RAP1GAP2: variants seen among roughly 807,000 people sequenced by gnomAD.
RAP1GAP2 encodes rap1 GTPase-activating protein 2.
In RAP1GAP2, 27 loss-of-function variants were observed where a neutral mutation model predicts 95.0. That is an observed-to-expected ratio of 0.28 (90% CI 0.21 to 0.39). RAP1GAP2 has a LOEUF of 0.39. Among genes scored for constraint, RAP1GAP2 ranks in the 10% least tolerant of loss-of-function variants. The pLI, the probability that RAP1GAP2 is intolerant of heterozygous loss-of-function variation, is 1.00. For missense variants in RAP1GAP2, 771 were observed against 970.0 expected (o/e 0.79, Z 2.72); for synonymous variants, 373 against 380.9 (o/e 0.98, Z 0.24).
intron 17 of RAP1GAP2, among the ~76,000 whole-genome samples, chr17:3,015,716 C>T (rs2046741354): frequency 6.6e-6 from 1 of 152,076 alleles, no homozygotes; most frequent in Non-Finnish European, 1.5e-5. Context: ...ACTCGGGAGG[C>T]TGAGGCAGGA....
intron 17 of RAP1GAP2, among the ~76,000 whole-genome samples, chr17:3,010,761 T>C (rs2046505810): frequency 1.3e-5 from 2 of 152,094 alleles, no homozygotes; most frequent in Admixed American, 1.3e-4. Context: ...GGAATTCTTT[T>C]CAATACTAAA....
chr17:2,990,583 G>A lies in RAP1GAP2; in HGVS notation c.814-714G>A, dbSNP rs1567864098. On this transcript the variant is annotated intron_variant, in intron 11 of 24. Coordinates refer to ENST00000254695, the MANE Select transcript of RAP1GAP2 (RefSeq NM_015085.5). ...TGGTGACTCTGCGTTTAGCTTTCGGGACCTGCCTGGGAGTGCTGTTGCCAG... is the reference window on the plus strand; with the variant it reads ...TGGTGACTCTGCGTTTAGCTTTCGGAACCTGCCTGGGAGTGCTGTTGCCAG... Among the ~76,000 whole-genome samples the A allele has an allele frequency of 2.6e-5, 4 of 152,090 alleles. No individual in the cohort carries two copies. The South Asian group carries it at 8.3e-4, about 32-fold the overall frequency.
chr17:2,999,724 ATTGT>A (rs2151589968), intron 14 of RAP1GAP2, among the ~76,000 whole-genome samples: 1 of 150,880 alleles, frequency 6.6e-6, no homozygotes, highest in Admixed American at 6.6e-5. Context: ...AGGCAGGAGG[ATTGT>A]TTGAGGCCAG....
chr17:2,932,473 C>A (rs566648343), intron 3 of RAP1GAP2, among the ~76,000 whole-genome samples: 5 of 151,240 alleles, frequency 3.3e-5, no homozygotes, highest in African/African-American at 1.2e-4. Context: ...TGTGTCTTGG[C>A]ATATGATGCC....
rs533111793 is a variant in RAP1GAP2, at chr17:2,946,947, G to A, written c.166-10812G>A. Among the ~76,000 whole-genome samples the A allele has an allele frequency of 5.9e-5, 9 of 152,252 alleles. No homozygotes were observed. In the East Asian group the frequency reaches 1.5e-3, roughly 26 times the overall value. On this transcript the variant is annotated intron_variant, in intron 3 of 24. Transcript: ENST00000254695. ...TTTTTGTATTTTTAGTAGAAACAGGGTTTCTCCATGTTGGTCAGGCTGGTC... is the reference window on the plus strand; with the variant it reads ...TTTTTGTATTTTTAGTAGAAACAGGATTTCTCCATGTTGGTCAGGCTGGTC...
chr17:2,837,730 C>T (rs1471952124), intron 2 of RAP1GAP2, among the ~76,000 whole-genome samples: 3 of 151,438 alleles, frequency 2.0e-5, no homozygotes, highest in Non-Finnish European at 2.9e-5. Context: ...CCTCAGCCTC[C>T]TGAGTAGCTG....
intron 2 of RAP1GAP2, among the ~76,000 whole-genome samples, chr17:2,891,544 A>G (rs1357613625): frequency 2.0e-5 from 3 of 149,472 alleles, no homozygotes; most frequent in Non-Finnish European, 4.4e-5. Flanking sequence ...ATAACCTGTC[A>G]ATTCCATTCT....
At chr17:2,770,411 A>G (rs2068367624) in exon 2 of RAP1GAP2, 2 of 398,584 alleles carry the variant, frequency 5.0e-6, no homozygotes, top group South Asian at 2.5e-4. Context: ...GCAGCATCGC[A>G]TCCTCAGCCG....
chr17:3,030,925 C>A lies in RAP1GAP2; in HGVS notation c.2111C>A (p.Ala704Asp), dbSNP rs937506534. Residue 704 changes from alanine to aspartate, a missense_variant, in exon 23 of 25, where the codon GCC becomes GAC. Transcript: ENST00000254695. ...PIIMSRSPTD[A>D]KSRNSPRSNL... ...TCATGGCCGTTCTTTTTCTTAGATG[C>A]CAAAAGCAGAAACTCCCCGAGATCG... 4 of 1,608,606 alleles carry A rather than the reference C, an allele frequency of 2.5e-6. No homozygotes were observed. Among genetic ancestry groups the A allele is most frequent in the Non-Finnish European group, 3.4e-6 (4 of 1,177,552 alleles).
chr17:2,868,292 C>G (rs533967348), intron 2 of RAP1GAP2, among the ~76,000 whole-genome samples: 38 of 152,138 alleles, frequency 2.5e-4, no homozygotes, highest in Non-Finnish European at 5.0e-4. Context: ...CAGAGGAAGT[C>G]TCAGAGGTCT....
chr17:2,836,339 A>G (rs1353226135), intron 2 of RAP1GAP2, among the ~76,000 whole-genome samples: 2 of 152,102 alleles, frequency 1.3e-5, no homozygotes, highest in African/African-American at 4.8e-5. Context: ...AAGTTTAAGG[A>G]ACCTGGCTTT....
At chr17:2,771,479 C>CTT (rs775623366) in intron 2 of RAP1GAP2, among the ~76,000 whole-genome samples, 21 of 131,762 alleles carry the variant, frequency 1.6e-4, no homozygotes, top group East Asian at 4.6e-4. Context: ...ATCAAAGCCA[C>CTT]TTTTTTGTTT....
rs58436827 is a variant in RAP1GAP2 at position 2,769,232 on chromosome 17, T to TAAAA, written c.51-1060_51-1057dup. On this transcript the variant is annotated intron_variant, in intron 1 of 25. Transcript: ENST00000637138. ...GGATGAGAAAGTGAAACCATTTCTC[T>TAAAA]AAAAAAAAAAAAAAAAAAAAAAAAA... Among the ~76,000 whole-genome samples, 11 of 42,912 alleles carry TAAAA rather than the reference T, an allele frequency of 2.6e-4. 1 individual carries two copies. Among genetic ancestry groups the TAAAA allele is most frequent in the South Asian group, 9.6e-4 (1 of 1,042 alleles). The allele number at this position is 42,912 out of a possible 152,430, so 28.2% of individuals were successfully genotyped here.
intron 2 of RAP1GAP2, among the ~76,000 whole-genome samples, chr17:2,860,625 A>G (rs1420777004): frequency 2.9e-5 from 3 of 102,838 alleles, no homozygotes; most frequent in Non-Finnish European, 5.4e-5. Context: ...TTTTTTTGAG[A>G]CAGCATCTTG....
rs370298359 is a variant in RAP1GAP2 at position 2,981,151 on chromosome 17, C to T, written c.676-44C>T. On this transcript the variant is annotated intron_variant, in intron 9 of 24. Coordinates refer to ENST00000254695, the MANE Select transcript of RAP1GAP2 (RefSeq NM_015085.5). ...GTGGGCAGAGGAGCCCAGATGTCCTCTACAGATATCATCCCTGACCTGCGT... is the reference window on the plus strand; with the variant it reads ...GTGGGCAGAGGAGCCCAGATGTCCTTTACAGATATCATCCCTGACCTGCGT... 1.9e-6 allele frequency: 3 copies of T among 1,583,868 alleles called. No homozygotes were observed. The African/African-American group carries it at 4.0e-5, about 21-fold the overall frequency.
intron 2 of RAP1GAP2, among the ~76,000 whole-genome samples, chr17:2,846,027 C>G (rs1179747557): frequency 1.3e-5 from 2 of 150,952 alleles, no homozygotes; most frequent in Non-Finnish European, 3.0e-5. Flanking sequence ...ACTAAAAATA[C>G]AAAAAATTAG....
chr17:2,960,217 G>A (rs1020234034), intron 4 of RAP1GAP2, among the ~76,000 whole-genome samples: 7 of 152,076 alleles, frequency 4.6e-5, no homozygotes, highest in African/African-American at 9.7e-5. Flanking sequence ...GTGGCTCTGC[G>A]GTAGGTTATT....
At chr17:2,756,274 G>T (rs2071142134) in intron 1 of RAP1GAP2, among the ~76,000 whole-genome samples, 1 of 152,240 alleles carries the variant, frequency 6.6e-6, no homozygotes, top group African/African-American at 2.4e-5. Context: ...TGCACTCTGG[G>T]GACAGGGCGC....
chr17:3,026,287 G>A (rs1207869221), intron 20 of RAP1GAP2, 63 bp from the exon 21 acceptor site: 3 of 1,414,902 alleles, frequency 2.1e-6, no homozygotes, highest in South Asian at 2.5e-5. Flanking sequence ...TCCCGGGGAG[G>A]ACCCTGGGGG....
Sources: allele counts gnomAD v4.1 joint callset (sites outside exome capture counted in the v4.1 genomes callset), GRCh38; gene constraint gnomAD v4.1.1; transcripts MANE v1.5; gene names NCBI Gene and HGNC (gene_info 2026-07-23, HGNC 2026-07-21).